Variants in LDB2 observed in about 807,000 individuals in gnomAD.
LDB2 encodes LIM domain-binding protein 2.
In LDB2, 12 loss-of-function variants were observed where a neutral mutation model predicts 44.3. The observed-to-expected ratio is 0.27, with a 90% CI of 0.17 to 0.44. LDB2 has a LOEUF of 0.44. LDB2 is among the 20% of genes least tolerant of loss of function. The pLI, the probability that LDB2 is intolerant of heterozygous loss-of-function variation, is 1.00. For synonymous variants in LDB2, 164 were observed against 174.8 expected (o/e 0.94, Z 0.49); for missense variants, 344 against 473.5 (o/e 0.73, Z 2.54).
At chr4:16,804,230 GCTGGGACTC>G (rs1455604956) in intron 1 of LDB2, among the ~76,000 whole-genome samples, 6 of 152,164 alleles carry the variant, frequency 3.9e-5, no homozygotes, top group African/African-American at 1.4e-4. Context: ...CTCCCAGGTA[GCTGGGACTC>G]CTGGCTAGGT....
chr4:16,699,291 T>G (rs1349683357), intron 2 of LDB2, among the ~76,000 whole-genome samples: 2 of 152,258 alleles, frequency 1.3e-5, no homozygotes, highest in Non-Finnish European at 2.9e-5. Context: ...GCCATTCCTT[T>G]TTGATCCATG....
intron 7 of LDB2, among the ~76,000 whole-genome samples, chr4:16,505,420 G>T (rs1157527206): frequency 6.6e-6 from 1 of 151,926 alleles, no homozygotes; most frequent in African/African-American, 2.4e-5. Context: ...CAAGTTAAGG[G>T]CTTCATATGC....
At chr4:16,544,298 G>A (rs55953912) in intron 5 of LDB2, among the ~76,000 whole-genome samples, 1,854 of 152,264 alleles carry the variant, frequency 0.012, 39 homozygotes, top group African/African-American at 0.043. Flanking sequence ...CGAAGCCAGC[G>A]GCAGGGAGCA....
intron 2 of LDB2, among the ~76,000 whole-genome samples, chr4:16,619,210 A>G (rs908462217): frequency 1.1e-4 from 17 of 152,104 alleles, no homozygotes; most frequent in Admixed American, 9.2e-4. Flanking sequence ...TTTTGCTGTG[A>G]TTGACAACTA....
At chr4:16,660,577 G>A (rs940851491) in intron 2 of LDB2, among the ~76,000 whole-genome samples, 26 of 152,114 alleles carry the variant, frequency 1.7e-4, no homozygotes, top group African/African-American at 5.3e-4. Context: ...TTTACTGTGC[G>A]CCTACTACAT....
chr4:16,738,895 G>A (rs756253918), intron 2 of LDB2, among the ~76,000 whole-genome samples: 4 of 152,072 alleles, frequency 2.6e-5, no homozygotes, highest in Non-Finnish European at 5.9e-5. Flanking sequence ...TAGTAATTTG[G>A]GGTCCTTTAA....
chr4:16,519,415 T>A (rs770057915), intron 5 of LDB2, among the ~76,000 whole-genome samples: 6 of 152,024 alleles, frequency 3.9e-5, no homozygotes, highest in Non-Finnish European at 8.8e-5. Flanking sequence ...CAAGTTTCTC[T>A]GACTTCAACC....
chr4:16,545,345 A>G (rs1471778436), intron 5 of LDB2, among the ~76,000 whole-genome samples: 1 of 152,172 alleles, frequency 6.6e-6, no homozygotes, highest in Non-Finnish European at 1.5e-5. Context: ...CGATGCATGC[A>G]AAGACATAGC....
intron 2 of LDB2, among the ~76,000 whole-genome samples, chr4:16,607,876 A>C (rs1291364363): frequency 1.3e-5 from 2 of 152,130 alleles, no homozygotes; most frequent in African/African-American, 4.8e-5. Context: ...CGAATCTCAA[A>C]CCTGTTATGC....
chr4:16,725,347 C>T (rs1759213885), intron 2 of LDB2, among the ~76,000 whole-genome samples: 1 of 151,814 alleles, frequency 6.6e-6, no homozygotes, highest in African/African-American at 2.4e-5. Context: ...AATGGCCAGA[C>T]CATACATAAA....
At chr4:16,878,795 T>A (rs1175165429) in intron 1 of LDB2, among the ~76,000 whole-genome samples, 1 of 152,214 alleles carries the variant, frequency 6.6e-6, no homozygotes, top group Non-Finnish European at 1.5e-5. Flanking sequence ...TGGCATCGCA[T>A]GTCCAATTTT....
chr4:16,859,889 T>A (rs6829935), intron 1 of LDB2, among the ~76,000 whole-genome samples: 1 of 152,134 alleles, frequency 6.6e-6, no homozygotes, highest in Non-Finnish European at 1.5e-5. Context: ...TCAGGCACTA[T>A]GCAAAACGCT....
intron 5 of LDB2, among the ~76,000 whole-genome samples, chr4:16,565,005 G>A (rs1287053872): frequency 6.6e-6 from 1 of 152,160 alleles, no homozygotes. Context: ...ACAATTACAA[G>A]AAATTGTAAA....
At chr4:16,733,376 C>T (rs564184962) in intron 2 of LDB2, among the ~76,000 whole-genome samples, 5 of 151,702 alleles carry the variant, frequency 3.3e-5, no homozygotes, top group Non-Finnish European at 5.9e-5. Flanking sequence ...AGTTGGGGGG[C>T]TCTTGAGGGC....
chr4:16,593,179 T>C (rs1042812045), intron 3 of LDB2, among the ~76,000 whole-genome samples: 1 of 152,170 alleles, frequency 6.6e-6, no homozygotes, highest in Non-Finnish European at 1.5e-5. Flanking sequence ...TCAGAACCAC[T>C]GGGTCAAATG....
At chr4:16,869,807 T>C (rs1485737662) in intron 1 of LDB2, among the ~76,000 whole-genome samples, 1 of 152,232 alleles carries the variant, frequency 6.6e-6, no homozygotes, top group African/African-American at 2.4e-5. Context: ...GTGATATTTT[T>C]GGTCGCCTTC....
At chr4:16,701,413 G>A (rs1435557682) in intron 2 of LDB2, among the ~76,000 whole-genome samples, 1 of 152,124 alleles carries the variant, frequency 6.6e-6, no homozygotes, top group East Asian at 1.9e-4. Flanking sequence ...TAGGTCATGG[G>A]CCTCAACATC....
intron 7 of LDB2, among the ~76,000 whole-genome samples, chr4:16,503,991 C>A (rs551162320): frequency 6.6e-6 from 1 of 152,248 alleles, no homozygotes; most frequent in East Asian, 1.9e-4. Context: ...CAGGTGGATT[C>A]TTCTGGGCAG....
At chr4:16,694,762 C>T (rs1578845352) in intron 2 of LDB2, among the ~76,000 whole-genome samples, 1 of 152,324 alleles carries the variant, frequency 6.6e-6, no homozygotes, top group East Asian at 1.9e-4. Context: ...ATGTACTCGT[C>T]GGCTACATGT....
Sources: gnomAD v4.1 joint callset for allele counts (sites outside exome capture counted in the v4.1 genomes callset) on GRCh38, gnomAD v4.1.1 for gene constraint, MANE v1.5 for transcripts, NCBI Gene and HGNC (gene_info 2026-07-23, HGNC 2026-07-21) for gene names.